Variants in CNPY1 observed in about 807,000 individuals in gnomAD.
CNPY1 encodes protein canopy homolog 1.
A neutral mutation model predicts 14.4 loss-of-function variants in CNPY1; 14 were observed. That is an observed-to-expected ratio of 0.97 (90% CI 0.64 to 1.52). The LOEUF (loss-of-function observed/expected upper bound fraction) is 1.52, where lower values mean the gene tolerates loss of function less well. CNPY1 is among the 40% of genes most tolerant of loss of function. CNPY1 has a pLI of 0.00. For synonymous variants in CNPY1, 43 were observed against 46.5 expected, an observed-to-expected ratio of 0.92 and a Z score of 0.31; for missense variants, 129 against 131.5, an observed-to-expected ratio of 0.98 and a Z score of 0.09.
At position 155,509,080 on chromosome 7, in the gene CNPY1, C is replaced by T. The variant is rs1399453675; in HGVS notation, c.117G>A (p.Ser39=). 1.3e-6 allele frequency: 2 copies of T among 1,598,962 alleles called. No homozygotes were observed. Among genetic ancestry groups the T allele is most frequent in the Admixed American group, 1.8e-5 (1 of 56,546 alleles). The change falls in exon 3 of 5, where the codon TCG becomes TCA. Residue 39 remains serine, a synonymous_variant. Transcript: ENST00000636446. ...CCAAAAGATCCGTTAGGAACGCCTC[C>T]GACTGAGCTAGGGGGATCTAAGAAG... ...QERRKIPLAQ[S]EAFLTDLLEK... is the part of the protein sequence containing the mutation.
intron 2 of CNPY1, among the ~76,000 whole-genome samples, chr7:155,529,814 A>C (rs1796904814): frequency 2.0e-5 from 3 of 148,800 alleles, no homozygotes; most frequent in African/African-American, 2.5e-5. Flanking sequence ...ACAGAGTCTC[A>C]CTCTGTCGCG....
At position 155,536,261 on chromosome 7, in the gene CNPY1, T is replaced by C. The variant is rs190915619; in HGVS notation, c.99+9570A>G. On this transcript the variant is annotated intron_variant, in intron 2 of 4. Transcript: ENST00000636446. This position sits in a 1 kb window ranked among gnomAD's most constrained non-coding sequence, Gnocchi z 4.1. Reference sequence around the variant, plus strand: ...AGGCTGTGGATGACTGATCACCCACTGCAGCAGACAGGTCCTGGGCGGGGC... The same window carrying C: ...AGGCTGTGGATGACTGATCACCCACCGCAGCAGACAGGTCCTGGGCGGGGC... 4.0e-4 allele frequency among the ~76,000 whole-genome samples: 61 copies of C among 152,238 alleles called. No homozygotes were observed. In the East Asian group the frequency reaches 0.011, roughly 27 times the overall value.
intron 2 of CNPY1, among the ~76,000 whole-genome samples, chr7:155,526,895 A>G (rs1796828128): frequency 1.3e-5 from 2 of 152,082 alleles, no homozygotes; most frequent in Non-Finnish European, 2.9e-5. Flanking sequence ...AACAATACCT[A>G]AGGATGCAGC....
intron 2 of CNPY1, among the ~76,000 whole-genome samples, chr7:155,509,408 T>C (rs770781230): frequency 1.1e-4 from 16 of 152,036 alleles, no homozygotes; most frequent in Non-Finnish European, 1.8e-4. Flanking sequence ...TCACTGAGCA[T>C]GTAGCAAAAA....
At chr7:155,543,673 A>T (rs146161174) in intron 2 of CNPY1, among the ~76,000 whole-genome samples, 4 of 152,308 alleles carry the variant, frequency 2.6e-5, no homozygotes, top group African/African-American at 9.6e-5. Flanking sequence ...CCGCCAGGCC[A>T]TGCTGTTCTC....
At chr7:155,522,520 C>T (rs995612603) in intron 2 of CNPY1, among the ~76,000 whole-genome samples, 1 of 152,348 alleles carries the variant, frequency 6.6e-6, no homozygotes, top group East Asian at 1.9e-4. Context: ...GAGGAGGAAA[C>T]GCAGCCTTCG....
At chr7:155,504,572 T>C (rs1032350089) in intron 4 of CNPY1, among the ~76,000 whole-genome samples, 10 of 152,198 alleles carry the variant, frequency 6.6e-5, no homozygotes, top group East Asian at 1.9e-4. Context: ...CCAATGTCTA[T>C]TTTCTAAATA....
intron 4 of CNPY1, among the ~76,000 whole-genome samples, chr7:155,504,099 G>A (rs182020875): frequency 6.6e-6 from 1 of 152,256 alleles, no homozygotes; most frequent in African/African-American, 2.4e-5. Context: ...AGGAAAAAAA[G>A]AGATTATCTG....
intron 2 of CNPY1, among the ~76,000 whole-genome samples, chr7:155,521,596 G>A (rs934047329): frequency 2.6e-5 from 4 of 152,162 alleles, no homozygotes; most frequent in Admixed American, 6.5e-5. Context: ...CTGGGCCGCC[G>A]CCTTGTTTAT....
At chr7:155,510,480 G>T (rs1352881944) in intron 2 of CNPY1, 1 of 152,206 alleles carries the variant, frequency 6.6e-6, no homozygotes, top group Non-Finnish European at 1.5e-5. Context: ...CTGTGCACAG[G>T]TAACATCCCT....
At chr7:155,514,059 C>T (rs532359451) in intron 2 of CNPY1, among the ~76,000 whole-genome samples, 14 of 152,344 alleles carry the variant, frequency 9.2e-5, no homozygotes, top group Middle Eastern at 6.8e-3. Context: ...CGGTGGGCAC[C>T]GCTCAGAGGG....
rs114464905 is a variant in CNPY1, at chr7:155,533,490, C to T, written c.99+12341G>A. Among the ~76,000 whole-genome samples the T allele has an allele frequency of 4.2e-3, 647 of 152,328 alleles. 3 individuals carry two copies. The highest frequency in any genetic ancestry group is 0.013 in the African/African-American group (554 of 41,588). On this transcript the variant is annotated intron_variant, in intron 2 of 4. Coordinates refer to ENST00000636446, the MANE Select transcript of CNPY1 (RefSeq NM_001393663.1). Reference sequence around the variant, plus strand: ...TGCAGGGCGCGCCTCAGAATGACAGCGAGGTGCACGCTCCGGCCCGCGCAG... The same window carrying T: ...TGCAGGGCGCGCCTCAGAATGACAGTGAGGTGCACGCTCCGGCCCGCGCAG...
chr7:155,518,408 C>T (rs1796661465), intron 2 of CNPY1: 1 of 152,374 alleles, frequency 6.6e-6, no homozygotes, highest in African/African-American at 2.4e-5. Context: ...GACCCTGATT[C>T]ACAGCCTTGT....
intron 2 of CNPY1, among the ~76,000 whole-genome samples, chr7:155,522,243 G>T (rs1661281523): frequency 6.6e-6 from 1 of 152,260 alleles, no homozygotes; most frequent in African/African-American, 2.4e-5. Flanking sequence ...AGCCTGGCGG[G>T]GTGGGTATCG....
In CNPY1 at chr7:155,527,054, C is replaced by CTTTCTTTCTTTCTTT. The variant is rs56296833; in HGVS notation, c.100-17958_100-17957insAAAGAAAGAAAGAAA. Among the ~76,000 whole-genome samples the CTTTCTTTCTTTCTTT allele has an allele frequency of 9.4e-3, 851 of 90,356 alleles. 39 individuals carry two copies. Among genetic ancestry groups the CTTTCTTTCTTTCTTT allele is most frequent in the African/African-American group, 0.031 (619 of 19,820 alleles). 59.3% of individuals were successfully genotyped at this position (90,356 alleles called of 152,430 possible). ...TTTTTCTTTCTTTCTTTCTTTCTTTCTTTTTTTTTTTTTTTTTGAGACAGT... is the reference window on the plus strand; with the variant it reads ...TTTTTCTTTCTTTCTTTCTTTCTTTCTTTCTTTCTTTCTTTTTTTTTTTTTTTTTTTTGAGACAGT... On this transcript the variant is annotated intron_variant, in intron 2 of 4. Transcript: ENST00000636446.
In CNPY1 at chr7:155,527,054, CTTTT is replaced by C. The variant is rs764084944; in HGVS notation, c.100-17961_100-17958del. Among the ~76,000 whole-genome samples the C allele has an allele frequency of 6.2e-4, 56 of 90,340 alleles. 1 individual carries two copies. Among genetic ancestry groups the C allele is most frequent in the Admixed American group, 1.6e-3 (12 of 7,432 alleles). The allele number at this position is 90,340 out of a possible 152,430, so 59.3% of individuals were successfully genotyped here. ...TTTTTCTTTCTTTCTTTCTTTCTTT[CTTTT>C]TTTTTTTTTTTTTGAGACAGTCTTG... On this transcript the variant is annotated intron_variant, in intron 2 of 4. Coordinates refer to ENST00000636446, the MANE Select transcript of CNPY1 (RefSeq NM_001393663.1).
chr7:155,522,536 G>A (rs1022596241), intron 2 of CNPY1, among the ~76,000 whole-genome samples: 6 of 152,248 alleles, frequency 3.9e-5, no homozygotes, highest in Non-Finnish European at 8.8e-5. Flanking sequence ...CTTCGAGAGG[G>A]TGAGTCTCTT....
In CNPY1 at chr7:155,520,736, T is replaced by C. The variant is rs1585315679; in HGVS notation, c.100-11639A>G. Among the ~76,000 whole-genome samples the C allele has an allele frequency of 3.9e-5, 6 of 152,316 alleles. 1 individual carries two copies. Among genetic ancestry groups the C allele is most frequent in the Admixed American group, 3.9e-4 (6 of 15,306 alleles). On this transcript the variant is annotated intron_variant, in intron 2 of 4. Transcript: ENST00000636446. Reference sequence around the variant, plus strand: ...AATCTCAAAATGACATTAAATGTCTTCCCTCTTGATGCTGTGCATTGGACT... The same window carrying C: ...AATCTCAAAATGACATTAAATGTCTCCCCTCTTGATGCTGTGCATTGGACT...
chr7:155,526,566 A>G (rs1274614433), intron 2 of CNPY1, among the ~76,000 whole-genome samples: 1 of 152,146 alleles, frequency 6.6e-6, no homozygotes, highest in Non-Finnish European at 1.5e-5. Flanking sequence ...ATACTGGGCA[A>G]AGGCTACAAA....
Sources: allele counts gnomAD v4.1 joint callset (sites outside exome capture counted in the v4.1 genomes callset), GRCh38; gene constraint gnomAD v4.1.1; non-coding constraint Gnocchi (gnomAD v3.1); transcripts MANE v1.5; gene names NCBI Gene and HGNC (gene_info 2026-07-23, HGNC 2026-07-21).